ANKS1B: variants seen among roughly 807,000 people sequenced by gnomAD.
ANKS1B encodes the protein ankyrin repeat and sterile alpha motif domain-containing protein 1B.
In ANKS1B, 36 loss-of-function variants were observed where a neutral mutation model predicts 148.3. The ratio of observed to expected loss-of-function variants is 0.24; its 90% CI spans 0.19 to 0.32. The LOEUF (loss-of-function observed/expected upper bound fraction) is 0.32. Ranked by LOEUF, ANKS1B falls within the 10% of genes least tolerant of loss-of-function variation. The probability of loss-of-function intolerance (pLI) is 1.00; values close to 1 mark genes in which losing one functional copy is unlikely to be tolerated. For missense variants in ANKS1B, 1,157 were observed against 1,542.6 expected, an observed-to-expected ratio of 0.75 and a Z score of 4.19; for synonymous variants, 542 against 560.8, an observed-to-expected ratio of 0.97 and a Z score of 0.47.
chr12:99,371,343 G>A (rs2093122474), intron 12 of ANKS1B, among the ~76,000 whole-genome samples: 1 of 152,116 alleles, frequency 6.6e-6, no homozygotes. Context: ...AACTCTTGGT[G>A]ATAGTTTGAT....
chr12:99,537,484 G>A (rs181838043), intron 9 of ANKS1B, among the ~76,000 whole-genome samples: 95 of 152,192 alleles, frequency 6.2e-4, no homozygotes, highest in African/African-American at 2.2e-3. Context: ...GCTCATTGCA[G>A]TTTTCATTTA....
chr12:98,943,772 C>T (rs1001557488), intron 17 of ANKS1B, among the ~76,000 whole-genome samples: 2 of 152,214 alleles, frequency 1.3e-5, no homozygotes, highest in African/African-American at 4.8e-5. Flanking sequence ...TTGCCGTCTA[C>T]CCTAATATAT....
intron 14 of ANKS1B, among the ~76,000 whole-genome samples, chr12:99,205,066 C>G (rs554025108): frequency 2.6e-4 from 39 of 152,138 alleles, no homozygotes; most frequent in Non-Finnish European, 1.5e-5. Context: ...AGGCCCCCCC[C>G]AAAAAGAAAA....
intron 12 of ANKS1B, among the ~76,000 whole-genome samples, chr12:99,357,753 T>C (rs2092137636): frequency 6.6e-6 from 1 of 152,216 alleles, no homozygotes; most frequent in African/African-American, 2.4e-5. Context: ...ATAAATCACA[T>C]TACTAGTTGA....
At chr12:98,783,077 C>G (rs79613664) in intron 22 of ANKS1B, among the ~76,000 whole-genome samples, 1 of 152,192 alleles carries the variant, frequency 6.6e-6, no homozygotes, top group Admixed American at 6.5e-5. Flanking sequence ...CAGTGGATTT[C>G]GGTAAATCAC....
chr12:99,673,341 T>G (rs2098547224), intron 8 of ANKS1B, among the ~76,000 whole-genome samples: 1 of 152,084 alleles, frequency 6.6e-6, no homozygotes. Context: ...CTAGCCAGGA[T>G]TCTTAGAGGC....
intron 9 of ANKS1B, among the ~76,000 whole-genome samples, chr12:98,737,620 C>T (rs2097779889): frequency 6.6e-6 from 1 of 152,170 alleles, no homozygotes; most frequent in South Asian, 2.1e-4. Context: ...TGAATTTGCC[C>T]ACGTGTTCAT....
chr12:99,542,436 T>C (rs888962542), intron 9 of ANKS1B, among the ~76,000 whole-genome samples: 16 of 152,274 alleles, frequency 1.1e-4, no homozygotes, highest in Admixed American at 9.8e-4. Context: ...AGACATTGCA[T>C]GGTCATGGGT....
intron 17 of ANKS1B, among the ~76,000 whole-genome samples, chr12:98,891,075 A>G (rs1341387286): frequency 4.6e-5 from 7 of 152,242 alleles, no homozygotes; most frequent in Non-Finnish European, 2.9e-5. Flanking sequence ...TCCAAACACT[A>G]AAGAGATGAA....
chr12:99,327,160 AAT>A (rs1309525129), intron 12 of ANKS1B, among the ~76,000 whole-genome samples: 1 of 120,412 alleles, frequency 8.3e-6, no homozygotes, highest in Non-Finnish European at 1.6e-5. Flanking sequence ...TATAATATAT[AAT>A]ATATAATTAT....
At chr12:99,139,361 C>CTTTT (rs1566374925) in intron 15 of ANKS1B, among the ~76,000 whole-genome samples, 116 of 412 alleles carry the variant, frequency 0.28, 22 homozygotes, top group Non-Finnish European at 0.35. Context: ...CTCCCTCCCT[C>CTTTT]CCTCCCTCCC....
intron 12 of ANKS1B, among the ~76,000 whole-genome samples, chr12:99,374,239 C>A (rs1011896513): frequency 7.9e-5 from 12 of 152,106 alleles, no homozygotes; most frequent in Non-Finnish European, 1.5e-5. Flanking sequence ...ATTCAAATGT[C>A]ATTTCATTAT....
At chr12:99,823,702 A>G (rs955321994) in intron 2 of ANKS1B, among the ~76,000 whole-genome samples, 2 of 152,168 alleles carry the variant, frequency 1.3e-5, no homozygotes, top group African/African-American at 2.4e-5. Flanking sequence ...GTTTTCCTCT[A>G]AGATTCTTAT....
At chr12:98,946,939 CAAAAAAAAAAAAAA>C in intron 17 of ANKS1B, among the ~76,000 whole-genome samples, 1 of 41,580 alleles carries the variant, frequency 2.4e-5, no homozygotes, top group African/African-American at 9.1e-5. Flanking sequence ...GATCTTTTCT[CAAAAAAAAAAAAAA>C]AAAAAAAAAA....
chr12:99,200,446 T>C (rs551513566), intron 14 of ANKS1B, among the ~76,000 whole-genome samples: 2 of 152,360 alleles, frequency 1.3e-5, no homozygotes, highest in Non-Finnish European at 2.9e-5. Context: ...AGTAGAACTA[T>C]GTAGCAGATT....
intron 1 of ANKS1B, among the ~76,000 whole-genome samples, chr12:99,830,499 T>C (rs557958312): frequency 6.6e-6 from 1 of 152,092 alleles, no homozygotes; most frequent in East Asian, 1.9e-4. Flanking sequence ...ATCTACATAC[T>C]ACCAATTATG....
intron 8 of ANKS1B, among the ~76,000 whole-genome samples, chr12:99,685,906 CACTT>C (rs1368539317): frequency 6.6e-6 from 1 of 152,050 alleles, no homozygotes; most frequent in African/African-American, 2.4e-5. Flanking sequence ...TGTATGTTCT[CACTT>C]ACAAATGGGA....
intron 1 of ANKS1B, among the ~76,000 whole-genome samples, chr12:99,879,231 G>A (rs1217935066): frequency 6.6e-6 from 1 of 152,158 alleles, no homozygotes. Context: ...ATCTGAAGAG[G>A]TGTTAAGAGA....
chr12:98,822,517 A>C (rs1421683066), intron 19 of ANKS1B, among the ~76,000 whole-genome samples: 2 of 152,240 alleles, frequency 1.3e-5, no homozygotes, highest in African/African-American at 4.8e-5. Flanking sequence ...GCACCACTAA[A>C]TATCACAAGG....
Sources: gnomAD v4.1 joint callset for allele counts (sites outside exome capture counted in the v4.1 genomes callset) on GRCh38, gnomAD v4.1.1 for gene constraint, MANE v1.5 for transcripts, NCBI Gene and HGNC (gene_info 2026-07-23, HGNC 2026-07-21) for gene names.